APPL1: variants seen among roughly 807,000 people sequenced by gnomAD.
APPL1 encodes DCC-interacting protein 13-alpha.
APPL1 carries 42 observed loss-of-function variants against 106.8 expected under a neutral mutation model. The ratio of observed to expected loss-of-function variants is 0.39; its 90% CI spans 0.31 to 0.51. The LOEUF is 0.51. Ranked by LOEUF, APPL1 falls within the 20% of genes least tolerant of loss-of-function variation. The pLI is 0.75. For synonymous variants in APPL1, 263 were observed against 281.8 expected (o/e 0.93, Z 0.67); for missense variants, 769 against 858.2 (o/e 0.90, Z 1.30).
chr3:57,258,494 T>G (rs1446904458), intron 15 of APPL1, among the ~76,000 whole-genome samples: 3 of 152,216 alleles, frequency 2.0e-5, no homozygotes, highest in Admixed American at 6.5e-5. Flanking sequence ...CTTTTCTTCC[T>G]TCACTGTGGT....
chr3:57,250,058 A>C (rs1194063999), intron 11 of APPL1, among the ~76,000 whole-genome samples: 2 of 152,230 alleles, frequency 1.3e-5, no homozygotes, highest in Non-Finnish European at 2.9e-5. Context: ...GTAGGTGCTA[A>C]CAATAGTGTT....
intron 4 of APPL1, among the ~76,000 whole-genome samples, chr3:57,239,655 A>G (rs1006336736): frequency 2.6e-5 from 4 of 152,158 alleles, no homozygotes; most frequent in Non-Finnish European, 4.4e-5. Context: ...GTTTTGAACA[A>G]CAGTTTTCAG....
At chr3:57,235,152 A>G (rs894122146) in intron 1 of APPL1, among the ~76,000 whole-genome samples, 1 of 152,226 alleles carries the variant, frequency 6.6e-6, no homozygotes, top group African/African-American at 2.4e-5. Context: ...AGATTAGGAC[A>G]GGAAGGGGTT....
chr3:57,260,032 C>A lies in APPL1; in HGVS notation c.1658+13C>A. 1 of 1,609,524 alleles carries A rather than the reference C, an allele frequency of 6.2e-7. No homozygotes were observed. Among genetic ancestry groups the A allele is most frequent in the African/African-American group, 1.3e-5 (1 of 74,722 alleles). On this transcript the variant is annotated intron_variant, in intron 17 of 21. Transcript: ENST00000288266. The stretch of plus-strand genomic sequence containing the variant: ...GTGACTGTTTAAAGTAAGTAAAACC[C>A]TCCCTTAAAAAACTGTAGAAAAAAC...
chr3:57,230,947 G>A (rs1015154383), intron 1 of APPL1, among the ~76,000 whole-genome samples: 4 of 151,808 alleles, frequency 2.6e-5, no homozygotes, highest in Admixed American at 1.3e-4. Flanking sequence ...GCCTAGGCTA[G>A]AGTGCAGTGG....
chr3:57,228,025 C>T lies in APPL1; in HGVS notation c.54+88C>T. 8.4e-7 allele frequency: 1 copy of T among 1,196,116 alleles called. No individual in the cohort carries two copies. Among genetic ancestry groups the T allele is most frequent in the Non-Finnish European group, 1.1e-6 (1 of 922,598 alleles). The allele number at this position is 1,196,116 out of a possible 1,614,324, so 74.1% of individuals were successfully genotyped here. On this transcript the variant is annotated intron_variant, in intron 1 of 21. Transcript: ENST00000288266. This position sits in a 1 kb window ranked among gnomAD's most constrained non-coding sequence, Gnocchi z 4.6. ...CCTCCGCGGCTCCCGCAGGTGCCCG[C>T]CCCGGCCCAGGTGGGGGCCGCCGCC... is the stretch of plus-strand genomic sequence containing the variant.
chr3:57,241,594 T>C (rs1490579797), intron 5 of APPL1, among the ~76,000 whole-genome samples: 1 of 152,214 alleles, frequency 6.6e-6, no homozygotes, highest in African/African-American at 2.4e-5. Flanking sequence ...CCGTGCCACC[T>C]TTACTTTACT....
chr3:57,257,730 C>T (rs1233004523), intron 15 of APPL1, among the ~76,000 whole-genome samples: 1 of 152,062 alleles, frequency 6.6e-6, no homozygotes, highest in Non-Finnish European at 1.5e-5. Context: ...GTCTTTAGGT[C>T]ATGACAATTT....
intron 1 of APPL1, among the ~76,000 whole-genome samples, chr3:57,233,249 A>T (rs1174223642): frequency 6.6e-6 from 1 of 152,182 alleles, no homozygotes; most frequent in African/African-American, 2.4e-5. Flanking sequence ...AATGAAAATG[A>T]TGCATCTTAC....
chr3:57,260,288 T>C, intron 18 of APPL1, 135 bp downstream of exon 18: 1 of 949,832 alleles, frequency 1.1e-6, no homozygotes, highest in Non-Finnish European at 1.5e-6. Flanking sequence ...CTGTTGTAGT[T>C]AAGTCTATGG....
chr3:57,250,805 T>C (rs995295492), intron 11 of APPL1, among the ~76,000 whole-genome samples: 1 of 50,724 alleles, frequency 2.0e-5, no homozygotes, highest in Non-Finnish European at 5.4e-5. Flanking sequence ...ACTTTCTTTC[T>C]TTTTTTTTTT....
chr3:57,262,923 T>C (rs1173285971), intron 19 of APPL1, among the ~76,000 whole-genome samples: 6 of 150,736 alleles, frequency 4.0e-5, no homozygotes, highest in Middle Eastern at 3.5e-3. Context: ...CGATCTTGGC[T>C]CATTGCAACC....
chr3:57,251,639 A>G (rs1311298286), intron 11 of APPL1, among the ~76,000 whole-genome samples: 1 of 151,976 alleles, frequency 6.6e-6, no homozygotes, highest in Non-Finnish European at 1.5e-5. Context: ...TGGATTTATC[A>G]CACTAGATGT....
intron 5 of APPL1, among the ~76,000 whole-genome samples, chr3:57,240,855 G>A (rs534365402): frequency 5.1e-4 from 78 of 152,284 alleles, no homozygotes; most frequent in African/African-American, 1.6e-3. Flanking sequence ...CTGTTAGGAG[G>A]GGGTCAGCAA....
chr3:57,261,304 G>A (rs558247566), intron 19 of APPL1, among the ~76,000 whole-genome samples: 1 of 152,046 alleles, frequency 6.6e-6, no homozygotes, highest in Non-Finnish European at 1.5e-5. Context: ...TCTTTTTATG[G>A]CTGAATAGTA....
intron 6 of APPL1, 146 bp from the exon 7 acceptor site, chr3:57,242,710 T>G (rs1376241398): frequency 3.3e-6 from 2 of 607,572 alleles, no homozygotes; most frequent in Non-Finnish European, 5.8e-6. Flanking sequence ...AATTTGGCTG[T>G]GGGGAAAATT....
chr3:57,256,912 GCTTA>G, intron 13 of APPL1, 41 bp from the exon 14 acceptor site: 1 of 1,533,392 alleles, frequency 6.5e-7, no homozygotes, highest in Non-Finnish European at 9.0e-7. Flanking sequence ...CTTTTGGTTT[GCTTA>G]CTTTACTAAT....
intron 20 of APPL1, 123 bp downstream of exon 20, chr3:57,267,915 AAC>A (rs1579406915): frequency 2.1e-6 from 2 of 966,594 alleles, no homozygotes; most frequent in East Asian, 5.0e-5. Flanking sequence ...AACATGGTGA[AAC>A]CCCATTTCTA....
At chr3:57,254,694 A>T (rs1192112013) in intron 13 of APPL1, among the ~76,000 whole-genome samples, 46 of 152,248 alleles carry the variant, frequency 3.0e-4, no homozygotes, top group African/African-American at 9.9e-4. Flanking sequence ...GTGCTATCTC[A>T]GCCCACTGCA....
Sources: allele counts gnomAD v4.1 joint callset (sites outside exome capture counted in the v4.1 genomes callset), GRCh38; gene constraint gnomAD v4.1.1; non-coding constraint Gnocchi (gnomAD v3.1); transcripts MANE v1.5; gene names NCBI Gene and HGNC (gene_info 2026-07-23, HGNC 2026-07-21).